The following DNAH1 variants were observed in gnomAD, a reference collection of about 807,000 sequenced individuals.
The protein encoded by DNAH1 is axonemal beta dynein heavy chain 1.
A neutral mutation model predicts 484.3 loss-of-function variants in DNAH1; 327 were observed. The ratio of observed to expected loss-of-function variants is 0.68; its 90% confidence interval spans 0.62 to 0.74. The LOEUF (loss-of-function observed/expected upper bound fraction) is 0.74, where lower values mean the gene tolerates loss of function less well. Among genes scored for constraint, DNAH1 ranks in the 30% least tolerant of loss-of-function variants. The pLI, the probability that DNAH1 is intolerant of heterozygous loss-of-function variation, is 0.00. For missense variants in DNAH1, 5,052 were observed against 5,546.8 expected, an observed-to-expected ratio of 0.91 and a Z score of 2.83; for synonymous variants, 2,192 against 2,191.9, an observed-to-expected ratio of 1.00 and a Z score of 0.00.
At chr3:52,382,133 G>T (rs1258747958) in intron 49 of DNAH1, among the ~76,000 whole-genome samples, 187 bp from the exon 50 acceptor site, 1 of 152,158 alleles carries the variant, frequency 6.6e-6, no homozygotes, top group Non-Finnish European at 1.5e-5. Context: ...AAGGGCATTT[G>T]GACTGAGGGA....
intron 8 of DNAH1, among the ~76,000 whole-genome samples, chr3:52,332,925 C>A (rs1009948902): frequency 1.3e-5 from 2 of 152,194 alleles, no homozygotes; most frequent in African/African-American, 2.4e-5. Context: ...GTCACCCAGG[C>A]TGGAGTGCCT....
chr3:52,389,188 T>C (rs1288516420), intron 59 of DNAH1, among the ~76,000 whole-genome samples: 3 of 152,280 alleles, frequency 2.0e-5, no homozygotes, highest in Non-Finnish European at 2.9e-5. Context: ...ACTTGCTGCA[T>C]GCCAGGCACT....
chr3:52,344,689 C>T (rs1702076059), intron 9 of DNAH1, 42 bp downstream of exon 9: 1 of 1,578,876 alleles, frequency 6.3e-7, no homozygotes, highest in African/African-American at 1.3e-5. Context: ...GGCCATCCAC[C>T]TGGCCAGAGC....
rs778071872 is a variant in DNAH1 at position 52,395,063 on chromosome 3, A to G, written c.10968+4A>G. Reference sequence around the variant, plus strand: ...GCCACGCTTCATTGAACCCCAGGCAAGTGCTGGAACCCTGGCAGGACTGGC... The same window carrying G: ...GCCACGCTTCATTGAACCCCAGGCAGGTGCTGGAACCCTGGCAGGACTGGC... On this transcript the variant is annotated splice_donor_region_variant and intron_variant, in intron 68 of 77. Transcript: ENST00000420323. The surrounding 1 kb of genome is among the most constrained non-coding windows in gnomAD (Gnocchi z 4.4). The G allele has an allele frequency of 6.5e-5, 105 of 1,606,276 alleles. 2 individuals are homozygous for G. Among genetic ancestry groups the G allele is most frequent in the Non-Finnish European group, 5.1e-6 (6 of 1,176,494 alleles).
chr3:52,319,488 ATAAGTC>A (rs2153222426), intron 1 of DNAH1, among the ~76,000 whole-genome samples: 1 of 152,352 alleles, frequency 6.6e-6, no homozygotes, highest in African/African-American at 2.4e-5. Context: ...GATGCATAAA[ATAAGTC>A]TAAGCCACCA....
At chr3:52,326,917 G>A (rs1416201771) in intron 5 of DNAH1, 26 bp downstream of exon 5, 1 of 1,605,038 alleles carries the variant, frequency 6.2e-7, no homozygotes, top group Non-Finnish European at 8.5e-7. Context: ...ACAGATGGTT[G>A]AGAGACAGGG....
At position 52,371,938 on chromosome 3, in the gene DNAH1, G is replaced by A. The variant is rs200802316; in HGVS notation, c.6526-8G>A. 2 of 1,612,966 alleles carry A rather than the reference G, an allele frequency of 1.2e-6. No homozygotes were observed. Among genetic ancestry groups the A allele is most frequent in the Admixed American group, 1.7e-5 (1 of 59,970 alleles). On this transcript the variant is annotated splice_polypyrimidine_tract_variant and splice_region_variant and intron_variant, in intron 41 of 77. Transcript: ENST00000420323. The stretch of plus-strand genomic sequence containing the variant: ...CCAGGCCCACTGCTGAGCCACCTAT[G>A]ATTCCAGGTTGCCTGGGTGAAGTGG...
intron 17 of DNAH1, 43 bp from the exon 18 acceptor site, chr3:52,352,509 T>A: frequency 6.3e-7 from 1 of 1,586,904 alleles, no homozygotes; most frequent in Non-Finnish European, 8.6e-7. Context: ...TGGACACAAG[T>A]GGGGCTGCAG....
chr3:52,400,396 C>T lies in DNAH1; in HGVS notation c.12748C>T (p.Arg4250Ter), dbSNP rs779178412. 8 of 1,613,922 alleles carry T rather than the reference C, an allele frequency of 5.0e-6. No individual in the cohort carries two copies. Among genetic ancestry groups the T allele is most frequent in the East Asian group, 4.5e-5 (2 of 44,898 alleles). Reference sequence around the variant, plus strand: ...GGAGATCCCCACCCATCAGCCCCAGCGACACTGGATAAAGCGTGGTGTGGC... The same window carrying T: ...GGAGATCCCCACCCATCAGCCCCAGTGACACTGGATAAAGCGTGGTGTGGC... ...AVEIPTHQPQRHWIKRGVALI... is the reference protein window; with the variant it reads ...AVEIPTHQPQ The change falls in exon 78 of 78, where the codon CGA (arginine) becomes TGA (stop). Residue 4250 changes from arginine to a stop codon, truncating the protein, a stop_gained. Transcript: ENST00000420323. LOFTEE classifies it high-confidence loss of function.
Position 52,353,017 on chromosome 3 carries a change from G to A in DNAH1, c.3028-86G>A. On this transcript the variant is annotated intron_variant, in intron 18 of 77. Transcript: ENST00000420323. The surrounding 1 kb of genome is among the most constrained non-coding windows in gnomAD (Gnocchi z 5.0). Reference sequence around the variant, plus strand: ...ATCAGCCAGGAGCAAGGGAGAGGGAGAGGACCTGGCCCAAGAAGGGGCAAC... The same window carrying A: ...ATCAGCCAGGAGCAAGGGAGAGGGAAAGGACCTGGCCCAAGAAGGGGCAAC... 1 of 1,351,552 alleles carries A rather than the reference G, an allele frequency of 7.4e-7. No individual in the cohort carries two copies. Among genetic ancestry groups the A allele is most frequent in the Admixed American group, 2.3e-5 (1 of 44,008 alleles). The allele number at this position is 1,351,552 out of a possible 1,614,324, so 83.7% of individuals were successfully genotyped here.
At chr3:52,366,681 C>G in intron 35 of DNAH1, 52 bp from the exon 36 acceptor site, 1 of 1,580,668 alleles carries the variant, frequency 6.3e-7, no homozygotes, top group Non-Finnish European at 8.6e-7. Flanking sequence ...GCCCCCAGCC[C>G]ACTCTAGCCC....
chr3:52,337,648 G>A (rs1701783143), intron 8 of DNAH1, among the ~76,000 whole-genome samples: 1 of 152,032 alleles, frequency 6.6e-6, no homozygotes, highest in Non-Finnish European at 1.5e-5. Flanking sequence ...TACATTATAT[G>A]TTTTCTTAGT....
chr3:52,358,780 C>A lies in DNAH1; in HGVS notation c.4266+43C>A. On this transcript the variant is annotated intron_variant, in intron 25 of 77. Transcript: ENST00000420323. This position sits in a 1 kb window ranked among gnomAD's most constrained non-coding sequence, Gnocchi z 4.2. The stretch of plus-strand genomic sequence containing the variant: ...CGTGCAGCCTTCCACCCCTGCACCC[C>A]TCTGCTCCCTCTCAGTGCCCCTCCT... The A allele has an allele frequency of 6.2e-7, 1 of 1,603,380 alleles. No homozygotes were observed. The highest frequency in any genetic ancestry group is 1.1e-5 in the South Asian group (1 of 89,922).
Position 52,379,874 on chromosome 3 carries a change from A to C in DNAH1, c.7378-31A>C. 1 of 1,535,088 alleles carries C rather than the reference A, an allele frequency of 6.5e-7. No homozygotes were observed. Among genetic ancestry groups the C allele is most frequent in the East Asian group, 2.5e-5 (1 of 40,666 alleles). On this transcript the variant is annotated intron_variant, in intron 47 of 77. Coordinates refer to ENST00000420323, the MANE Select transcript of DNAH1 (RefSeq NM_015512.5). This position sits in a 1 kb window ranked among gnomAD's most constrained non-coding sequence, Gnocchi z 4.4. Reference sequence around the variant, plus strand: ...GAGATAGCTGAGGGCTTGGGGGCCAAGGACAGGCACCGATGCTGGGGCTAC... The same window carrying C: ...GAGATAGCTGAGGGCTTGGGGGCCACGGACAGGCACCGATGCTGGGGCTAC...
chr3:52,395,460 G>GGGGCAGGTCAGGGCT lies in DNAH1; in HGVS notation c.11122_11127+9dup. 6.2e-7 allele frequency: 1 copy of GGGGCAGGTCAGGGCT among 1,613,928 alleles called. No homozygotes were observed. Among genetic ancestry groups the GGGGCAGGTCAGGGCT allele is most frequent in the South Asian group, 1.1e-5 (1 of 91,088 alleles). On this transcript the variant is annotated inframe_insertion, in exon 69 of 78. Coordinates refer to ENST00000420323, the MANE Select transcript of DNAH1 (RefSeq NM_015512.5). This position sits in a 1 kb window ranked among gnomAD's most constrained non-coding sequence, Gnocchi z 4.4. ...AGCTCTCTGCCATCTCCCTGGGCCA[G>GGGGCAGGTCAGGGCT]GGGCAGGTCAGGGCTAGGCAGGGAG...
In DNAH1 at chr3:52,345,480, C is replaced by A. The variant is rs1204116191; in HGVS notation, c.1445-15C>A. On this transcript the variant is annotated splice_polypyrimidine_tract_variant and intron_variant, in intron 9 of 77. Coordinates refer to ENST00000420323, the MANE Select transcript of DNAH1 (RefSeq NM_015512.5). ...GGCAGGGTCTGATACTGGCCCTTGG[C>A]CCCTATCCCTGCAGGGCTGGTGAGT... The A allele has an allele frequency of 6.4e-7, 1 of 1,554,302 alleles. No individual in the cohort carries two copies. Among genetic ancestry groups the A allele is most frequent in the South Asian group, 1.2e-5 (1 of 84,254 alleles).
Position 52,363,282 on chromosome 3 carries a change from G to T in DNAH1, c.5244+138G>T, listed in dbSNP as rs1216402026. On this transcript the variant is annotated intron_variant, in intron 32 of 77. Coordinates refer to ENST00000420323, the MANE Select transcript of DNAH1 (RefSeq NM_015512.5). ...TTGTCGGCTTCTCCCAGCAACCCTT[G>T]GAGATAGGAGTTACATGCCCATTTG... 2.6e-6 allele frequency: 3 copies of T among 1,167,712 alleles called. No homozygotes were observed. The African/African-American group carries it at 4.6e-5, about 18-fold the overall frequency. The allele number at this position is 1,167,712 out of a possible 1,614,324, so 72.3% of individuals were successfully genotyped here. A position where few individuals can be genotyped will look rare whatever the true frequency, so the allele number is the denominator to read the frequency against.
intron 77 of DNAH1, 101 bp downstream of exon 77, chr3:52,399,880 GGAC>G: frequency 7.9e-7 from 1 of 1,258,780 alleles, no homozygotes; most frequent in Non-Finnish European, 1.1e-6. Flanking sequence ...GAACAAGGAA[GGAC>G]AACAGAGATT....
chr3:52,345,373 CA>C, intron 9 of DNAH1, 121 bp from the exon 10 acceptor site: 2 of 817,484 alleles, frequency 2.4e-6, no homozygotes, highest in Non-Finnish European at 3.9e-6. Context: ...CTGGGAACGC[CA>C]GTCACTCTTC....
Sources: allele counts gnomAD v4.1 joint callset (sites outside exome capture counted in the v4.1 genomes callset), GRCh38; gene constraint gnomAD v4.1.1; non-coding constraint Gnocchi (gnomAD v3.1); transcripts MANE v1.5; gene names NCBI Gene and HGNC (gene_info 2026-07-23, HGNC 2026-07-21).